The following CHMP4B variants were observed in gnomAD, a reference collection of about 807,000 sequenced individuals.
The protein encoded by CHMP4B is SNF7 homolog associated with Alix 1.
CHMP4B carries 1 observed loss-of-function variant against 25.1 expected under a neutral mutation model. The observed-to-expected ratio is 0.04, with a 90% CI of 0.01 to 0.19. The LOEUF (loss-of-function observed/expected upper bound fraction) is 0.19, where lower values mean the gene tolerates loss of function less well. Ranked by LOEUF, CHMP4B falls within the 10% of genes least tolerant of loss-of-function variation. The probability of loss-of-function intolerance (pLI) is 1.00; values close to 1 mark genes in which losing one functional copy is unlikely to be tolerated. For synonymous variants in CHMP4B, 101 were observed against 115.6 expected, an observed-to-expected ratio of 0.87 and a Z score of 0.81; for missense variants, 151 against 289.7, an observed-to-expected ratio of 0.52 and a Z score of 3.48.
chr20:33,841,885 A>C (rs1349536209), intron 1 of CHMP4B, among the ~76,000 whole-genome samples: 1 of 152,126 alleles, frequency 6.6e-6, no homozygotes, highest in African/African-American at 2.4e-5. Context: ...TGGCACGGGG[A>C]ACTGCTGATT....
At chr20:33,835,343 A>T (rs117342536) in intron 1 of CHMP4B, among the ~76,000 whole-genome samples, 3,042 of 152,216 alleles carry the variant, frequency 0.02, 47 homozygotes, top group Admixed American at 0.037. Flanking sequence ...CTCCAGGGTC[A>T]TTGAGCTTCT....
intron 1 of CHMP4B, among the ~76,000 whole-genome samples, chr20:33,845,898 C>T (rs1343465605): frequency 1.3e-5 from 2 of 152,194 alleles, no homozygotes; most frequent in South Asian, 2.1e-4. Context: ...ATGGCAAAGG[C>T]GGTTCTGTAG....
chr20:33,852,241 T>A, intron 4 of CHMP4B, 38 bp downstream of exon 4: 1 of 1,613,432 alleles, frequency 6.2e-7, no homozygotes, highest in Non-Finnish European at 8.5e-7. Context: ...CGTGAGGTCA[T>A]GTGGCAGGTG....
intron 1 of CHMP4B, among the ~76,000 whole-genome samples, chr20:33,815,769 C>T (rs1788655850): frequency 1.3e-5 from 2 of 152,164 alleles, no homozygotes; most frequent in Admixed American, 6.5e-5. Flanking sequence ...ATGAGGCTCA[C>T]GACGGGACGA....
intron 1 of CHMP4B, among the ~76,000 whole-genome samples, chr20:33,832,775 A>ATTTTT (rs35940987): frequency 7.2e-6 from 1 of 138,202 alleles, no homozygotes; most frequent in African/African-American, 2.7e-5. Context: ...ACAATAAATG[A>ATTTTT]TTTTTTTTTT....
At chr20:33,836,803 A>G (rs757634818) in intron 1 of CHMP4B, among the ~76,000 whole-genome samples, 12 of 152,160 alleles carry the variant, frequency 7.9e-5, no homozygotes, top group Non-Finnish European at 1.8e-4. Flanking sequence ...ACTCTCAGCA[A>G]TCAACTGGGT....
chr20:33,816,132 G>C (rs1978776765), intron 1 of CHMP4B, among the ~76,000 whole-genome samples: 1 of 152,092 alleles, frequency 6.6e-6, no homozygotes. Flanking sequence ...GCAAAATTTG[G>C]ATTGCTTTTT....
intron 2 of CHMP4B, among the ~76,000 whole-genome samples, chr20:33,849,018 G>T (rs1428304593): frequency 6.6e-6 from 1 of 152,164 alleles, no homozygotes. Flanking sequence ...TAGAATCGGT[G>T]CCCATGATTT....
At chr20:33,815,418 G>A (rs776474226) in intron 1 of CHMP4B, among the ~76,000 whole-genome samples, 25 of 152,214 alleles carry the variant, frequency 1.6e-4, no homozygotes, top group Non-Finnish European at 2.8e-4. Context: ...GTGATTTGTT[G>A]TAATTGTGGG....
rs556941774 is a variant in CHMP4B at position 33,839,095 on chromosome 20, T to A, written c.191-9372T>A. Among the ~76,000 whole-genome samples, 79 of 152,162 alleles carry A rather than the reference T, an allele frequency of 5.2e-4. 2 individuals carry two copies. The South Asian group carries it at 0.016, about 31-fold the overall frequency. On this transcript the variant is annotated intron_variant, in intron 1 of 4. Coordinates refer to ENST00000217402, the MANE Select transcript of CHMP4B (RefSeq NM_176812.5). ...ATCCCCTGACCCTTTGGTTTTAGGG[T>A]TCTAGCAATTCCAGTGTGGGTTGAC...
At chr20:33,816,215 C>T (rs929653263) in intron 1 of CHMP4B, among the ~76,000 whole-genome samples, 7 of 152,096 alleles carry the variant, frequency 4.6e-5, no homozygotes, top group Admixed American at 3.3e-4. Context: ...TTACTGTGTC[C>T]TAGGCCCCAT....
At chr20:33,812,725 C>T (rs967529723) in intron 1 of CHMP4B, among the ~76,000 whole-genome samples, 2 of 152,106 alleles carry the variant, frequency 1.3e-5, no homozygotes, top group Admixed American at 1.3e-4. Context: ...ACTAGCAGTG[C>T]GACCTTGAGC....
Position 33,849,458 on chromosome 20 carries a change from G to T in CHMP4B, c.368+814G>T, listed in dbSNP as rs535832297. ...CTACTAAAAATACAAAAATTAGCTGGGTGTCGTGGCATGCGCCTGTAATCC... is the reference window on the plus strand; with the variant it reads ...CTACTAAAAATACAAAAATTAGCTGTGTGTCGTGGCATGCGCCTGTAATCC... On this transcript the variant is annotated intron_variant, in intron 2 of 4. Coordinates refer to ENST00000217402, the MANE Select transcript of CHMP4B (RefSeq NM_176812.5). 1.4e-4 allele frequency among the ~76,000 whole-genome samples: 22 copies of T among 152,234 alleles called. No homozygotes were observed. In the South Asian group the frequency reaches 4.1e-3, roughly 29 times the overall value.
At position 33,853,970 on chromosome 20, in the gene CHMP4B, T is replaced by C; in HGVS notation, c.*410T>C. On this transcript the variant is annotated 3_prime_UTR_variant, in exon 5 of 5. Transcript: ENST00000217402. ...CTTGCCGCACATCTCTTTGTGTACT[T>C]GTACGGTACTGGCAGAAAAGTCATT... is the stretch of plus-strand genomic sequence containing the variant. 3.4e-6 allele frequency: 1 copy of C among 294,884 alleles called. No homozygotes were observed. The highest frequency in any genetic ancestry group is 3.4e-5 in the South Asian group (1 of 29,006). 18.3% of individuals were successfully genotyped at this position (294,884 alleles called of 1,614,324 possible).
At chr20:33,847,914 A>G (rs972383710) in intron 1 of CHMP4B, among the ~76,000 whole-genome samples, 3 of 152,154 alleles carry the variant, frequency 2.0e-5, no homozygotes, top group Non-Finnish European at 4.4e-5. Context: ...TGAGTGAAAT[A>G]GCATTTTTAA....
intron 2 of CHMP4B, 149 bp from the exon 3 acceptor site, chr20:33,850,803 T>C (rs541272330): frequency 1.4e-6 from 1 of 698,308 alleles, no homozygotes; most frequent in African/African-American, 1.8e-5. Context: ...GAGGCAATAA[T>C]GCCAAGTAAC....
chr20:33,836,710 C>T (rs890694718), intron 1 of CHMP4B, among the ~76,000 whole-genome samples: 1 of 152,100 alleles, frequency 6.6e-6, no homozygotes, highest in African/African-American at 2.4e-5. Flanking sequence ...CGTTGGTCTC[C>T]CCAGACTCTC....
intron 1 of CHMP4B, among the ~76,000 whole-genome samples, chr20:33,823,462 C>G (rs545537292): frequency 2.6e-5 from 4 of 152,088 alleles, no homozygotes; most frequent in Non-Finnish European, 5.9e-5. Flanking sequence ...GCCTGGACAT[C>G]CTGGGCTCAA....
At chr20:33,821,648 G>T (rs1057022311) in intron 1 of CHMP4B, among the ~76,000 whole-genome samples, 10 of 152,110 alleles carry the variant, frequency 6.6e-5, no homozygotes, top group African/African-American at 2.4e-4. Flanking sequence ...ATTAGGCTGG[G>T]TATGGTGACT....
Sources: allele counts gnomAD v4.1 joint callset (sites outside exome capture counted in the v4.1 genomes callset), GRCh38; gene constraint gnomAD v4.1.1; transcripts MANE v1.5; gene names NCBI Gene and HGNC (gene_info 2026-07-23, HGNC 2026-07-21).